Variants in MAN2A1 observed in about 807,000 individuals in gnomAD.
MAN2A1 encodes alpha-mannosidase 2.
A neutral mutation model predicts 142.6 loss-of-function variants in MAN2A1; 76 were observed. The observed-to-expected ratio is 0.53, with a 90% CI of 0.44 to 0.65. The LOEUF is 0.65. Among genes scored for constraint, MAN2A1 ranks in the 30% least tolerant of loss-of-function variants. The probability of loss-of-function intolerance (pLI) is 0.00; values close to 1 mark genes in which losing one functional copy is unlikely to be tolerated. For missense variants in MAN2A1, 1,311 were observed against 1,365.1 expected (o/e 0.96, Z 0.62); for synonymous variants, 559 against 473.2 (o/e 1.18, Z -2.35).
At chr5:109,758,220 T>C (rs1042683614) in intron 5 of MAN2A1, among the ~76,000 whole-genome samples, 1 of 152,148 alleles carries the variant, frequency 6.6e-6, no homozygotes, top group Non-Finnish European at 1.5e-5. Flanking sequence ...GTCATTCTAA[T>C]ATGTGTGAAA....
At chr5:109,774,747 A>C (rs1158067462) in intron 7 of MAN2A1, 41 bp from the exon 8 acceptor site, 1 of 1,498,726 alleles carries the variant, frequency 6.7e-7, no homozygotes, top group Admixed American at 2.0e-5. Flanking sequence ...TTCTTAGTCA[A>C]ATTCATATTT....
chr5:109,862,623 T>C (rs1755784658), intron 20 of MAN2A1: 1 of 152,180 alleles, frequency 6.6e-6, no homozygotes, highest in African/African-American at 2.4e-5. Flanking sequence ...GCATACAGTG[T>C]GACTGCTTGA....
intron 19 of MAN2A1, among the ~76,000 whole-genome samples, chr5:109,852,279 T>C (rs895029576): frequency 6.6e-6 from 1 of 152,094 alleles, no homozygotes; most frequent in African/African-American, 2.4e-5. Context: ...TTTTCTCTCC[T>C]CCTTCCTCTT....
At chr5:109,726,321 A>G (rs1213951362) in intron 3 of MAN2A1, among the ~76,000 whole-genome samples, 11 of 152,222 alleles carry the variant, frequency 7.2e-5, no homozygotes, top group Admixed American at 7.2e-4. Flanking sequence ...TAGAAAACGA[A>G]AGAACCAATT....
chr5:109,695,638 T>C (rs1172566464), intron 1 of MAN2A1, among the ~76,000 whole-genome samples: 1 of 152,202 alleles, frequency 6.6e-6, no homozygotes, highest in South Asian at 2.1e-4. Flanking sequence ...ATGACCTGTA[T>C]TTGCTGGATT....
chr5:109,732,737 C>T (rs1397607027), intron 4 of MAN2A1, among the ~76,000 whole-genome samples: 2 of 152,108 alleles, frequency 1.3e-5, no homozygotes, highest in East Asian at 1.9e-4. Context: ...TGTTCTGGTA[C>T]CAGTCCCATG....
At chr5:109,807,112 A>T (rs1754185470) in intron 12 of MAN2A1, among the ~76,000 whole-genome samples, 1 of 152,158 alleles carries the variant, frequency 6.6e-6, no homozygotes, top group South Asian at 2.1e-4. Flanking sequence ...ACCATCATTT[A>T]AAATTTTTCC....
chr5:109,843,281 G>A (rs1197165829), intron 17 of MAN2A1, among the ~76,000 whole-genome samples: 1 of 152,192 alleles, frequency 6.6e-6, no homozygotes, highest in African/African-American at 2.4e-5. Flanking sequence ...CTGCAGGCAA[G>A]AGAGAGAAAA....
At chr5:109,766,166 G>C (rs1752983097) in intron 5 of MAN2A1, among the ~76,000 whole-genome samples, 1 of 151,996 alleles carries the variant, frequency 6.6e-6, no homozygotes, top group South Asian at 2.1e-4. Context: ...GATATCTCCT[G>C]TTGTAATGCA....
chr5:109,744,966 A>G (rs1431153993), intron 4 of MAN2A1, among the ~76,000 whole-genome samples: 2 of 152,186 alleles, frequency 1.3e-5, no homozygotes. Context: ...AATATGGATG[A>G]GTCTCACAAA....
intron 20 of MAN2A1, chr5:109,862,891 C>CT (rs1399999474): frequency 6.6e-6 from 1 of 152,126 alleles, no homozygotes; most frequent in Admixed American, 6.6e-5. Flanking sequence ...ATAACTTTTT[C>CT]TATCAGTGAA....
intron 1 of MAN2A1, among the ~76,000 whole-genome samples, chr5:109,693,762 G>T (rs1324475040): frequency 6.6e-6 from 1 of 152,120 alleles, no homozygotes; most frequent in Non-Finnish European, 1.5e-5. Context: ...GCACTCCGAA[G>T]CCTTGCTTCT....
chr5:109,799,711 A>G (rs1349818417), intron 12 of MAN2A1, among the ~76,000 whole-genome samples: 2 of 151,222 alleles, frequency 1.3e-5, no homozygotes, highest in Non-Finnish European at 2.9e-5. Context: ...CCGAGGTTGC[A>G]CCATGGCACT....
chr5:109,838,059 TA>T (rs59745040), intron 16 of MAN2A1, among the ~76,000 whole-genome samples: 8,032 of 143,756 alleles, frequency 0.056, 332 homozygotes, highest in African/African-American at 0.12. Context: ...GTAGGGAGAT[TA>T]AAAAAAAAAA....
At chr5:109,780,510 C>CTGTG (rs113661582) in intron 8 of MAN2A1, among the ~76,000 whole-genome samples, 3,518 of 143,732 alleles carry the variant, frequency 0.024, 33 homozygotes, top group Middle Eastern at 0.035. Flanking sequence ...CTTGCAATAT[C>CTGTG]TGTGTGTGTG....
chr5:109,808,336 G>C (rs10070011), intron 12 of MAN2A1, among the ~76,000 whole-genome samples: 13,841 of 152,094 alleles, frequency 0.091, 790 homozygotes, highest in African/African-American at 0.17. Flanking sequence ...AGGATTTCTA[G>C]CATATTCACT....
At chr5:109,711,075 C>G (rs1429501999) in intron 1 of MAN2A1, among the ~76,000 whole-genome samples, 1 of 152,048 alleles carries the variant, frequency 6.6e-6, no homozygotes, top group Non-Finnish European at 1.5e-5. Flanking sequence ...ATCCACCCAT[C>G]TCAGCCTACC....
chr5:109,748,006 T>C (rs1368644982), intron 4 of MAN2A1, among the ~76,000 whole-genome samples: 1 of 152,224 alleles, frequency 6.6e-6, no homozygotes, highest in Non-Finnish European at 1.5e-5. Flanking sequence ...TCTTGGAGAA[T>C]CTTTTAGTAA....
chr5:109,780,759 C>T (rs569361821), intron 8 of MAN2A1, among the ~76,000 whole-genome samples: 41 of 152,062 alleles, frequency 2.7e-4, no homozygotes, highest in Admixed American at 2.6e-4. Flanking sequence ...TCAGAAAGAC[C>T]GGTGTGTTTA....
Sources: gnomAD v4.1 joint callset for allele counts (sites outside exome capture counted in the v4.1 genomes callset) on GRCh38, gnomAD v4.1.1 for gene constraint, MANE v1.5 for transcripts, NCBI Gene and HGNC (gene_info 2026-07-23, HGNC 2026-07-21) for gene names.